Variants in EFL1 observed in about 807,000 individuals in gnomAD.
EFL1 encodes the protein elongation factor-like GTPase 1.
A neutral mutation model predicts 126.7 loss-of-function variants in EFL1; 76 were observed. The observed-to-expected ratio is 0.60, with a 90% CI of 0.50 to 0.73. EFL1 has a LOEUF of 0.73. Among genes scored for constraint, EFL1 ranks in the 30% least tolerant of loss-of-function variants. EFL1 has a pLI of 0.00. For synonymous variants in EFL1, 410 were observed against 448.4 expected (o/e 0.91, Z 1.08); for missense variants, 1,128 against 1,343.2 (o/e 0.84, Z 2.50).
At chr15:82,228,109 G>A (rs2141312682) in intron 10 of EFL1, 82 bp downstream of exon 10, 3 of 1,477,512 alleles carry the variant, frequency 2.0e-6, no homozygotes, top group Admixed American at 2.4e-5. Flanking sequence ...TATTTCCAGA[G>A]AATTTCTTGG....
chr15:82,210,385 C>G (rs2074571095), intron 15 of EFL1, among the ~76,000 whole-genome samples: 2 of 152,184 alleles, frequency 1.3e-5, no homozygotes, highest in African/African-American at 2.4e-5. Context: ...CTGGCTCTCC[C>G]TGTTGGGTTG....
intron 19 of EFL1, 59 bp downstream of exon 19, chr15:82,138,599 C>G (rs1349623581): frequency 1.9e-6 from 3 of 1,577,710 alleles, no homozygotes; most frequent in East Asian, 2.2e-5. Flanking sequence ...TTGGCCTCCT[C>G]TGTAGGGAAT....
chr15:82,138,425 A>AGAGAGT (rs751682963), intron 19 of EFL1, among the ~76,000 whole-genome samples: 11 of 46,250 alleles, frequency 2.4e-4, no homozygotes, highest in African/African-American at 4.1e-4. Context: ...AGAGAGAGAG[A>AGAGAGT]GTGTATGTGT....
At chr15:82,249,522 C>A (rs569131723) in intron 4 of EFL1, among the ~76,000 whole-genome samples, 1 of 151,940 alleles carries the variant, frequency 6.6e-6, no homozygotes, top group Non-Finnish European at 1.5e-5. Flanking sequence ...AATTATTTAA[C>A]CCATGTGAAT....
chr15:82,201,718 A>G (rs1233738330), intron 15 of EFL1, among the ~76,000 whole-genome samples: 1 of 125,894 alleles, frequency 7.9e-6, no homozygotes, highest in Non-Finnish European at 1.7e-5. Flanking sequence ...AAAAAAAAAA[A>G]AGAACTCAAA....
rs146272015 is a variant in EFL1 at position 82,184,668 on chromosome 15, T to G, written c.1751-20684A>C. Among the ~76,000 whole-genome samples the G allele has an allele frequency of 1.1e-3, 174 of 152,318 alleles. 1 individual carries two copies. The highest frequency in any genetic ancestry group is 0.011 in the East Asian group (59 of 5,190). ...ATAGATATTTGCCCTACTAAATGGT[T>G]TTCTCTGGCCTTTCATGTTCATGTT... is the stretch of plus-strand genomic sequence containing the variant. On this transcript the variant is annotated intron_variant, in intron 15 of 19. Coordinates refer to ENST00000268206, the MANE Select transcript of EFL1 (RefSeq NM_024580.6).
At chr15:82,192,170 T>G (rs912433428) in intron 15 of EFL1, among the ~76,000 whole-genome samples, 4 of 151,716 alleles carry the variant, frequency 2.6e-5, no homozygotes, top group Admixed American at 6.6e-5. Flanking sequence ...GAGGCCGAGG[T>G]GGGCAGATCA....
chr15:82,183,003 T>C (rs1399451774), intron 15 of EFL1, among the ~76,000 whole-genome samples: 2 of 151,984 alleles, frequency 1.3e-5, no homozygotes, highest in African/African-American at 4.8e-5. Context: ...TTAGAGGGTC[T>C]GAGGTGGAAA....
chr15:82,136,489 T>C (rs2073723547), intron 19 of EFL1, among the ~76,000 whole-genome samples: 2 of 152,232 alleles, frequency 1.3e-5, no homozygotes, highest in Admixed American at 1.3e-4. Context: ...TAGGTTGAAG[T>C]GGACTGAATC....
intron 4 of EFL1, among the ~76,000 whole-genome samples, chr15:82,243,786 C>T (rs2074946854): frequency 6.6e-6 from 1 of 151,376 alleles, no homozygotes; most frequent in Non-Finnish European, 1.5e-5. Context: ...CGTCCATTTC[C>T]AGATTCTTTG....
At chr15:82,201,862 T>C (rs936442599) in intron 15 of EFL1, among the ~76,000 whole-genome samples, 2 of 149,852 alleles carry the variant, frequency 1.3e-5, no homozygotes, top group African/African-American at 4.9e-5. Context: ...TATTAATACA[T>C]ATGCCTCCCA....
At chr15:82,150,384 C>T (rs375412886) in intron 18 of EFL1, among the ~76,000 whole-genome samples, 12 of 152,334 alleles carry the variant, frequency 7.9e-5, no homozygotes, top group African/African-American at 2.9e-4. Flanking sequence ...GGCCGATTCT[C>T]TCATCCAGGG....
At chr15:82,259,798 C>T (rs1406096011) in intron 2 of EFL1, among the ~76,000 whole-genome samples, 2 of 152,036 alleles carry the variant, frequency 1.3e-5, no homozygotes, top group Non-Finnish European at 2.9e-5. Flanking sequence ...GGGTTTTTTT[C>T]CTTCAAGACA....
chr15:82,207,402 C>T (rs2074537055), intron 15 of EFL1, among the ~76,000 whole-genome samples: 1 of 151,638 alleles, frequency 6.6e-6, no homozygotes, highest in African/African-American at 2.4e-5. Flanking sequence ...CACTATTTAA[C>T]ACTGTTCTGA....
chr15:82,227,245 A>G (rs1012136288), intron 11 of EFL1, among the ~76,000 whole-genome samples: 1 of 152,222 alleles, frequency 6.6e-6, no homozygotes, highest in African/African-American at 2.4e-5. Flanking sequence ...TGCCTGAGCA[A>G]AATGGCTGTA....
At chr15:82,140,498 G>A (rs1030298833) in intron 18 of EFL1, among the ~76,000 whole-genome samples, 4 of 151,968 alleles carry the variant, frequency 2.6e-5, no homozygotes, top group African/African-American at 7.3e-5. Flanking sequence ...CTTCTTATGA[G>A]TATTCTTTGA....
chr15:82,233,554 A>C (rs2074844003), intron 7 of EFL1: 1 of 152,210 alleles, frequency 6.6e-6, no homozygotes, highest in African/African-American at 2.4e-5. Flanking sequence ...AAAGACAAGT[A>C]AATCTATTAC....
At position 82,220,798 on chromosome 15, in the gene EFL1, T is replaced by C. The variant is rs778440287; in HGVS notation, c.1293-569A>G. 7.2e-4 allele frequency among the ~76,000 whole-genome samples: 109 copies of C among 152,108 alleles called. 1 individual carries two copies. Among genetic ancestry groups the C allele is most frequent in the Non-Finnish European group, 1.2e-3 (84 of 68,020 alleles). On this transcript the variant is annotated intron_variant, in intron 12 of 19. Transcript: ENST00000268206. ...GAATGAGAAGGGGTGGGGGAGGTAA[T>C]TAAGCTCTTTTTCCTAAAGAACTAC...
chr15:82,186,895 T>A (rs2074309584), intron 15 of EFL1, among the ~76,000 whole-genome samples: 1 of 152,162 alleles, frequency 6.6e-6, no homozygotes, highest in African/African-American at 2.4e-5. Flanking sequence ...TCTCAGCGCC[T>A]CAATAATTCA....
Sources: gnomAD v4.1 joint callset for allele counts (sites outside exome capture counted in the v4.1 genomes callset) on GRCh38, gnomAD v4.1.1 for gene constraint, MANE v1.5 for transcripts, NCBI Gene and HGNC (gene_info 2026-07-23, HGNC 2026-07-21) for gene names.